SAMD3: variants seen among roughly 807,000 people sequenced by gnomAD.
The protein encoded by SAMD3 is sterile alpha motif domain-containing protein 3.
A neutral mutation model predicts 58.5 loss-of-function variants in SAMD3; 63 were observed. The ratio of observed to expected loss-of-function variants is 1.08; its 90% CI spans 0.88 to 1.33. The LOEUF (loss-of-function observed/expected upper bound fraction) is 1.33. SAMD3 is among the 40% of genes most tolerant of loss of function. SAMD3 has a pLI of 0.00. For missense variants in SAMD3, 604 were observed against 608.4 expected (o/e 0.99, Z 0.08); for synonymous variants, 220 against 210.3 (o/e 1.05, Z -0.40).
upstream of SAMD3, among the ~76,000 whole-genome samples, chr6:130,227,396 CT>C (rs879270976): frequency 8.5e-5 from 13 of 152,156 alleles, no homozygotes; most frequent in Non-Finnish European, 1.5e-5. Flanking sequence ...CTTTTTCAAT[CT>C]TTTGACTATT....
At chr6:130,196,584 G>A (rs899938848) in intron 5 of SAMD3, among the ~76,000 whole-genome samples, 3 of 152,122 alleles carry the variant, frequency 2.0e-5, no homozygotes, top group Non-Finnish European at 4.4e-5. Context: ...CCACTAGCCC[G>A]CCTCTTAGAA....
chr6:130,263,973 C>G (rs2114926518), intron 2 of SAMD3, among the ~76,000 whole-genome samples: 1 of 152,246 alleles, frequency 6.6e-6, no homozygotes, highest in African/African-American at 2.4e-5. Flanking sequence ...ATTCATTTTA[C>G]TAGAGGATCA....
In SAMD3 at chr6:130,321,690, C is replaced by T. The variant is rs149637262; in HGVS notation, c.-303-8597G>A. Among the ~76,000 whole-genome samples the T allele has an allele frequency of 4.6e-3, 624 of 134,752 alleles. 5 individuals are homozygous for T. The highest frequency in any genetic ancestry group is 0.02 in the African/African-American group (598 of 29,300). The allele number at this position is 134,752 out of a possible 152,430, so 88.4% of individuals were successfully genotyped here. On this transcript the variant is annotated intron_variant, in intron 1 of 13. Coordinates refer to the SAMD3 transcript ENST00000368134. ...TGTTATATATGTGCTAACTTGCTGT[C>T]TGTCTCTCATTCCCCCAATAAAATA...
intron 2 of SAMD3, among the ~76,000 whole-genome samples, chr6:130,255,854 T>C (rs2086164): frequency 0.41 from 62,043 of 150,204 alleles, 13,784 homozygotes; most frequent in African/African-American, 0.58. Context: ...TTGGGTCTTG[T>C]CTTTTTTTTT....
In SAMD3 at chr6:130,171,780, G is replaced by A. The variant is rs577741538; in HGVS notation, c.822+4061C>T. ...AATATCCTTGTTAATTTTCTGACTCGTTGATCTGTCTAATATTGACAGTGG... is the reference window on the plus strand; with the variant it reads ...AATATCCTTGTTAATTTTCTGACTCATTGATCTGTCTAATATTGACAGTGG... On this transcript the variant is annotated intron_variant, in intron 8 of 11. Coordinates refer to ENST00000439090, the MANE Select transcript of SAMD3 (RefSeq NM_001017373.4). 8.5e-5 allele frequency among the ~76,000 whole-genome samples: 13 copies of A among 152,208 alleles called. No individual in the cohort carries two copies. In the South Asian group the frequency reaches 2.1e-3, roughly 24 times the overall value.
chr6:130,175,225 T>C (rs1356969251), intron 8 of SAMD3, among the ~76,000 whole-genome samples: 2 of 152,182 alleles, frequency 1.3e-5, no homozygotes. Flanking sequence ...GGAATTTCGG[T>C]GCTCTGAGGT....
intron 5 of SAMD3, among the ~76,000 whole-genome samples, chr6:130,197,100 A>G (rs1378299385): frequency 1.3e-5 from 2 of 152,234 alleles, no homozygotes; most frequent in African/African-American, 4.8e-5. Flanking sequence ...AAAGGACTGG[A>G]CAATACTTTT....
At chr6:130,315,311 G>A (rs967561401) in intron 1 of SAMD3, among the ~76,000 whole-genome samples, 1 of 152,140 alleles carries the variant, frequency 6.6e-6, no homozygotes, top group African/African-American at 2.4e-5. Context: ...GAGTGTCAAT[G>A]AAAACTTGGA....
chr6:130,287,802 G>T (rs1283514696), intron 2 of SAMD3, among the ~76,000 whole-genome samples: 1 of 152,038 alleles, frequency 6.6e-6, no homozygotes, highest in South Asian at 2.1e-4. Context: ...AAATTAGCAC[G>T]GGCATGGTGT....
At position 130,287,177 on chromosome 6, in the gene SAMD3, G is replaced by A. The variant is rs547312912; in HGVS notation, c.-188+25801C>T. Among the ~76,000 whole-genome samples the A allele has an allele frequency of 5.9e-5, 9 of 152,212 alleles. No individual in the cohort carries two copies. The South Asian group carries it at 1.9e-3, about 32-fold the overall frequency. ...CTTTGCTGTAATGATCTTTACCTAAGTTTAGTCTCCTCCTAGAAATCTTCC... is the reference window on the plus strand; with the variant it reads ...CTTTGCTGTAATGATCTTTACCTAAATTTAGTCTCCTCCTAGAAATCTTCC... On this transcript the variant is annotated intron_variant, in intron 2 of 13. Transcript: ENST00000368134.
intron 8 of SAMD3, among the ~76,000 whole-genome samples, chr6:130,169,267 T>A (rs1791015215): frequency 6.6e-6 from 1 of 152,126 alleles, no homozygotes. Flanking sequence ...TGTTTGTACA[T>A]TTGCTTAATC....
At chr6:130,212,092 C>A (rs1795626161) in intron 4 of SAMD3, among the ~76,000 whole-genome samples, 1 of 151,768 alleles carries the variant, frequency 6.6e-6, no homozygotes, top group Non-Finnish European at 1.5e-5. Flanking sequence ...CTTCAGGGTT[C>A]TTCTGTACAC....
intron 2 of SAMD3, among the ~76,000 whole-genome samples, chr6:130,300,954 A>G (rs1358594072): frequency 1.3e-5 from 2 of 152,092 alleles, no homozygotes; most frequent in Non-Finnish European, 2.9e-5. Context: ...ATTTCACCTA[A>G]TGCTATCCCT....
chr6:130,157,633 A>AT (rs1342374755), intron 8 of SAMD3, among the ~76,000 whole-genome samples: 5 of 152,170 alleles, frequency 3.3e-5, no homozygotes, highest in South Asian at 2.1e-4. Context: ...GACAGATATG[A>AT]TTTTTAATGG....
At chr6:130,209,423 T>C (rs1795347710) in intron 5 of SAMD3, 72 bp downstream of exon 5, 2 of 786,872 alleles carry the variant, frequency 2.5e-6, no homozygotes, top group Non-Finnish European at 4.2e-6. Context: ...TCTAAACATA[T>C]GAAACCTTAT....
chr6:130,234,169 A>G (rs1355583821), intron 2 of SAMD3, among the ~76,000 whole-genome samples: 2 of 152,196 alleles, frequency 1.3e-5, no homozygotes, highest in Non-Finnish European at 2.9e-5. Flanking sequence ...TGTCACTTGT[A>G]TGTAGTTAGC....
At chr6:130,346,933 G>C (rs1040470719) in intron 1 of SAMD3, among the ~76,000 whole-genome samples, 1 of 152,232 alleles carries the variant, frequency 6.6e-6, no homozygotes, top group Non-Finnish European at 1.5e-5. Context: ...AATATCCGCT[G>C]TTCTGCAGCC....
upstream of SAMD3, among the ~76,000 whole-genome samples, chr6:130,226,151 G>A (rs78237773): frequency 0.043 from 6,591 of 152,298 alleles, 465 homozygotes; most frequent in African/African-American, 0.15. Flanking sequence ...GCAGACTGGA[G>A]CTTGAGGTGT....
chr6:130,270,011 T>A (rs2114934848), intron 2 of SAMD3, among the ~76,000 whole-genome samples: 1 of 152,248 alleles, frequency 6.6e-6, no homozygotes, highest in East Asian at 1.9e-4. Context: ...TCATTTTAAT[T>A]TCATTGTGGT....
Sources: allele counts gnomAD v4.1 joint callset (sites outside exome capture counted in the v4.1 genomes callset), GRCh38; gene constraint gnomAD v4.1.1; transcripts MANE v1.5; gene names NCBI Gene and HGNC (gene_info 2026-07-23, HGNC 2026-07-21).